The following ALDH1L1 variants were observed in gnomAD, a reference collection of about 807,000 sequenced individuals.
The protein encoded by ALDH1L1 is aldehyde dehydrogenase 1 family member L1, also known as cytosolic 10-formyltetrahydrofolate dehydrogenase.
ALDH1L1 carries 68 observed loss-of-function variants against 101.1 expected under a neutral mutation model. The ratio of observed to expected loss-of-function variants is 0.67; its 90% confidence interval spans 0.55 to 0.82. ALDH1L1 has a LOEUF of 0.82. Ranked by LOEUF, ALDH1L1 falls within the 40% of genes least tolerant of loss-of-function variation. The pLI is 0.00. For missense variants in ALDH1L1, 1,087 were observed against 1,172.7 expected (o/e 0.93, Z 1.07); for synonymous variants, 486 against 470.8 (o/e 1.03, Z -0.42).
intron 1 of ALDH1L1, among the ~76,000 whole-genome samples, chr3:126,173,420 A>C (rs778095559): frequency 2.0e-5 from 3 of 152,170 alleles, no homozygotes; most frequent in Non-Finnish European, 4.4e-5. Flanking sequence ...TGCAAACTGT[A>C]GGTCAACCAC....
chr3:126,107,232 G>T lies in ALDH1L1; in HGVS notation c.2362C>A (p.Pro788Thr). 6.2e-7 allele frequency: 1 copy of T among 1,613,962 alleles called. No homozygotes were observed. The highest frequency in any genetic ancestry group is 8.5e-7 in the Non-Finnish European group (1 of 1,179,918). ...QVPRPGFFFE[P>T]TVFTDVEDHM... Reference sequence around the variant, plus strand: ...TCTTCCACGTCTGTGAAAACAGTTGGCTCAAAGAAGAACCCTGCAAGAGAG... The same window carrying T: ...TCTTCCACGTCTGTGAAAACAGTTGTCTCAAAGAAGAACCCTGCAAGAGAG... The change falls in exon 21 of 23, where the codon CCA (proline) becomes ACA (threonine). Residue 788 changes from proline to threonine, a missense_variant. By Grantham distance (38) the Pro-to-Thr change is conservative. This residue lies in a region of ALDH1L1 where 442 missense variants were observed against 535.7 expected (regional missense o/e 0.83). Coordinates refer to ENST00000393434, the MANE Select transcript of ALDH1L1 (RefSeq NM_012190.4).
intron 9 of ALDH1L1, among the ~76,000 whole-genome samples, chr3:126,144,146 A>T (rs2080624642): frequency 6.6e-6 from 1 of 152,212 alleles, no homozygotes; most frequent in Non-Finnish European, 1.5e-5. Flanking sequence ...ATAAGAATAA[A>T]TTTAACCAAG....
intron 20 of ALDH1L1, among the ~76,000 whole-genome samples, chr3:126,108,364 G>A (rs1354657150): frequency 6.6e-6 from 1 of 152,212 alleles, no homozygotes; most frequent in African/African-American, 2.4e-5. Flanking sequence ...CCCCTCCAGG[G>A]CGGGGTGATG....
chr3:126,155,170 A>G (rs1336883427), intron 5 of ALDH1L1, among the ~76,000 whole-genome samples: 1 of 152,138 alleles, frequency 6.6e-6, no homozygotes, highest in Non-Finnish European at 1.5e-5. Flanking sequence ...TTCCTCCTAA[A>G]GAGGAACAGG....
Position 126,107,127 on chromosome 3 carries a change from G to A in ALDH1L1, c.2453+14C>T. 1 of 1,609,612 alleles carries A rather than the reference G, an allele frequency of 6.2e-7. No individual in the cohort carries two copies. Among genetic ancestry groups the A allele is most frequent in the South Asian group, 1.1e-5 (1 of 91,000 alleles). On this transcript the variant is annotated intron_variant, in intron 21 of 22. Coordinates refer to ENST00000393434, the MANE Select transcript of ALDH1L1 (RefSeq NM_012190.4). ...GAGAGTCAGGGCCCTTGAGACATCAGCAGGATTCCCTACCCATCAGCAAAC... is the reference window on the plus strand; with the variant it reads ...GAGAGTCAGGGCCCTTGAGACATCAACAGGATTCCCTACCCATCAGCAAAC...
chr3:126,152,930 C>G (rs16837171), intron 7 of ALDH1L1: 1 of 231,674 alleles, frequency 4.3e-6, no homozygotes, highest in Non-Finnish European at 8.6e-6. Flanking sequence ...ATAAAAGGTG[C>G]TCCATCAGTG....
intron 12 of ALDH1L1, 111 bp downstream of exon 12, chr3:126,135,424 C>G (rs2080412471): frequency 2.0e-6 from 3 of 1,480,488 alleles, no homozygotes; most frequent in Non-Finnish European, 2.7e-6. Flanking sequence ...ATAGCCTCCC[C>G]AGGACCCAGC....
At chr3:126,195,806 T>G (rs1189694435) in intron 1 of ALDH1L1, among the ~76,000 whole-genome samples, 1 of 152,200 alleles carries the variant, frequency 6.6e-6, no homozygotes, top group Non-Finnish European at 1.5e-5. Context: ...GTTCATGTCC[T>G]TTGTAGGGAC....
intron 1 of ALDH1L1, among the ~76,000 whole-genome samples, chr3:126,164,038 T>C (rs1192987750): frequency 1.3e-5 from 2 of 151,508 alleles, no homozygotes; most frequent in Non-Finnish European, 2.9e-5. Flanking sequence ...GGCTGAGGCA[T>C]GAGAATCACT....
rs2080886330 is a variant in ALDH1L1 at position 126,155,477 on chromosome 3, C to T, written c.555G>A (p.Glu185=). Reference sequence around the variant, plus strand: ...GCTGAGGGAGTCTGGGGGCTTTGCCCTCAGCGATCAGCCTCACGGCCTGCA... The same window carrying T: ...GCTGAGGGAGTCTGGGGGCTTTGCCTTCAGCGATCAGCCTCACGGCCTGCA... The part of the protein sequence containing the change: ...GMVQAVRLIA[E]GKAPRLPQPE... The change falls in exon 5 of 23, where the codon GAG becomes GAA. Residue 185 remains glutamate (E), a synonymous_variant. Transcript: ENST00000393434. The T allele has an allele frequency of 1.2e-6, 2 of 1,612,896 alleles. No individual in the cohort carries two copies. Among genetic ancestry groups the T allele is most frequent in the Non-Finnish European group, 1.7e-6 (2 of 1,179,624 alleles).
upstream of ALDH1L1, among the ~76,000 whole-genome samples, chr3:126,182,819 T>A (rs746295503): frequency 1.3e-5 from 2 of 152,094 alleles, no homozygotes; most frequent in Non-Finnish European, 2.9e-5. Flanking sequence ...TCCGAAATCA[T>A]GTGGAAAGTA....
chr3:126,145,957 C>A (rs990318283), intron 9 of ALDH1L1, among the ~76,000 whole-genome samples: 16 of 152,142 alleles, frequency 1.1e-4, no homozygotes, highest in African/African-American at 3.6e-4. Context: ...ACCATTCTCT[C>A]AGGTGTCTGG....
chr3:126,124,514 C>T (rs1169024419), intron 15 of ALDH1L1, 63 bp from the exon 16 acceptor site: 3 of 1,338,570 alleles, frequency 2.2e-6, no homozygotes, highest in Non-Finnish European at 3.2e-6. Context: ...GCTCTGCCTT[C>T]CCTCCCCGCC....
intron 17 of ALDH1L1, 45 bp downstream of exon 17, chr3:126,117,960 G>A (rs4646741): frequency 0.095 from 146,483 of 1,541,616 alleles, 7,455 homozygotes; most frequent in East Asian, 0.19. Flanking sequence ...TGTCCCAGGC[G>A]CAGCCCACAG....
intron 17 of ALDH1L1, among the ~76,000 whole-genome samples, chr3:126,116,524 C>T (rs77363552): frequency 3.2e-4 from 48 of 152,308 alleles, no homozygotes; most frequent in Non-Finnish European, 5.4e-4. Context: ...GAGCCCTCAC[C>T]CTGGACTTGA....
intron 17 of ALDH1L1, among the ~76,000 whole-genome samples, chr3:126,116,131 C>A (rs1257004194): frequency 6.6e-6 from 1 of 151,798 alleles, no homozygotes; most frequent in African/African-American, 2.4e-5. Flanking sequence ...ACCAGCTGGC[C>A]TCAGTCTCCC....
chr3:126,165,819 T>G (rs1185323167), intron 1 of ALDH1L1, among the ~76,000 whole-genome samples: 1 of 152,212 alleles, frequency 6.6e-6, no homozygotes, highest in Non-Finnish European at 1.5e-5. Context: ...TCTTTTTGTG[T>G]GTTAATGTAG....
intron 11 of ALDH1L1, 51 bp from the exon 12 acceptor site, chr3:126,135,713 A>G (rs2080424860): frequency 1.4e-6 from 2 of 1,456,546 alleles, no homozygotes; most frequent in Admixed American, 2.5e-5. Context: ...AGTTGCACAC[A>G]GATACCCCTG....
intron 1 of ALDH1L1, among the ~76,000 whole-genome samples, chr3:126,161,322 A>G (rs971253826): frequency 1.3e-5 from 2 of 152,230 alleles, no homozygotes; most frequent in African/African-American, 4.8e-5. Flanking sequence ...GATGTTTGAT[A>G]TGTATTTGAG....
Sources: allele counts gnomAD v4.1 joint callset (sites outside exome capture counted in the v4.1 genomes callset), GRCh38; gene constraint gnomAD v4.1.1; regional missense constraint gnomAD v4.1.1; transcripts MANE v1.5; gene names NCBI Gene and HGNC (gene_info 2026-07-23, HGNC 2026-07-21).